Variants in NELL2 observed in about 807,000 individuals in gnomAD.
NELL2 encodes the protein neural EGFL like 2.
NELL2 carries 41 observed loss-of-function variants against 109.6 expected under a neutral mutation model. The ratio of observed to expected loss-of-function variants is 0.37; its 90% CI spans 0.29 to 0.49. NELL2 has a LOEUF of 0.49. Among genes scored for constraint, NELL2 ranks in the 20% least tolerant of loss-of-function variants. The probability of loss-of-function intolerance (pLI) is 0.98; values close to 1 mark genes in which losing one functional copy is unlikely to be tolerated. For synonymous variants in NELL2, 355 were observed against 344.7 expected (o/e 1.03, Z -0.33); for missense variants, 900 against 1,008.3 (o/e 0.89, Z 1.45).
chr12:44,856,227 A>G (rs1187390758), intron 2 of NELL2, among the ~76,000 whole-genome samples: 2 of 152,232 alleles, frequency 1.3e-5, no homozygotes, highest in African/African-American at 4.8e-5. Flanking sequence ...ATCTTCTAAA[A>G]CATTGGTACA....
Position 44,709,006 on chromosome 12 carries a change from T to G in NELL2, c.1189+2286A>C, listed in dbSNP as rs1419636853. ...TCTTTTAAAAAGAAATAGATGTAGT[T>G]AAGGTTTCTCTTGATATCTTAAAGG... On this transcript the variant is annotated intron_variant, in intron 11 of 19. Transcript: ENST00000429094. Among the ~76,000 whole-genome samples the G allele has an allele frequency of 2.0e-5, 3 of 152,166 alleles. No homozygotes were observed. The East Asian group carries it at 5.8e-4, about 29-fold the overall frequency.
intron 3 of NELL2, among the ~76,000 whole-genome samples, chr12:44,783,053 C>G (rs1028665735): frequency 1.3e-5 from 2 of 151,826 alleles, no homozygotes; most frequent in African/African-American, 4.8e-5. Context: ...AGTATGCTTT[C>G]CAACCACAAC....
At chr12:44,708,886 T>C (rs111355242) in intron 11 of NELL2, among the ~76,000 whole-genome samples, 7 of 152,318 alleles carry the variant, frequency 4.6e-5, no homozygotes, top group African/African-American at 1.7e-4. Flanking sequence ...AAGTATGCTA[T>C]GTAAACACAT....
At chr12:44,921,226 C>T (rs932627398) in intron 1 of NELL2, among the ~76,000 whole-genome samples, 2 of 152,070 alleles carry the variant, frequency 1.3e-5, no homozygotes, top group African/African-American at 4.8e-5. Context: ...AGTCAGAGAC[C>T]TAAACACTAG....
chr12:44,910,077 G>C (rs1444624140), intron 1 of NELL2, among the ~76,000 whole-genome samples: 1 of 152,004 alleles, frequency 6.6e-6, no homozygotes, highest in East Asian at 1.9e-4. Context: ...CCTTAGGAAA[G>C]AAGTTATGAC....
At chr12:44,603,449 T>G (rs1190439677) in intron 15 of NELL2, among the ~76,000 whole-genome samples, 3 of 152,176 alleles carry the variant, frequency 2.0e-5, no homozygotes, top group African/African-American at 7.2e-5. Flanking sequence ...ATCAGACACA[T>G]ATTTGCTGAG....
intron 12 of NELL2, among the ~76,000 whole-genome samples, chr12:44,678,996 G>C (rs570616229): frequency 1.3e-5 from 2 of 152,224 alleles, no homozygotes; most frequent in South Asian, 4.1e-4. Context: ...AACTAGAAGG[G>C]ATGTAGAGTT....
At chr12:44,599,400 A>G (rs1290621089) in intron 15 of NELL2, among the ~76,000 whole-genome samples, 1 of 152,184 alleles carries the variant, frequency 6.6e-6, no homozygotes, top group African/African-American at 2.4e-5. Context: ...AAAAAGAACC[A>G]AAAGATATGA....
intron 13 of NELL2, among the ~76,000 whole-genome samples, chr12:44,619,971 T>G (rs186136349): frequency 1.3e-5 from 2 of 152,118 alleles, no homozygotes; most frequent in Non-Finnish European, 2.9e-5. Flanking sequence ...TTGGGCTCCA[T>G]AGTGAATCAA....
Position 44,666,813 on chromosome 12 carries a change from A to C in NELL2, c.1319-1204T>G, listed in dbSNP as rs1271021543. On this transcript the variant is annotated intron_variant, in intron 12 of 19. Coordinates refer to ENST00000429094, the MANE Select transcript of NELL2 (RefSeq NM_001145108.2). The stretch of plus-strand genomic sequence containing the variant: ...TTCCTGGTTTGGTCTTTACTTTTCC[A>C]ATTTCACATCTGATGACCTCACTCC... Among the ~76,000 whole-genome samples, 6 of 152,132 alleles carry C rather than the reference A, an allele frequency of 3.9e-5. No homozygotes were observed. The South Asian group carries it at 1.0e-3, about 26-fold the overall frequency.
intron 1 of NELL2, among the ~76,000 whole-genome samples, chr12:44,919,660 C>G (rs1479300504): frequency 6.6e-6 from 1 of 152,042 alleles, no homozygotes; most frequent in Non-Finnish European, 1.5e-5. Context: ...ACAAGGAATG[C>G]CAAAGATTGC....
chr12:44,589,010 T>C lies in NELL2; in HGVS notation c.1663+18159A>G, dbSNP rs1047736507. On this transcript the variant is annotated intron_variant, in intron 15 of 19. Coordinates refer to ENST00000429094, the MANE Select transcript of NELL2 (RefSeq NM_001145108.2). ...TAAGTGTTTTGCATGAATTAACTCA[T>C]TTAATACTCATTACCACCATAAGGG... is the stretch of plus-strand genomic sequence containing the variant. 2.6e-5 allele frequency among the ~76,000 whole-genome samples: 4 copies of C among 152,326 alleles called. No homozygotes were observed. In the South Asian group the frequency reaches 8.3e-4, roughly 32 times the overall value.
chr12:44,624,482 A>C (rs1946164783), intron 13 of NELL2, among the ~76,000 whole-genome samples: 1 of 151,804 alleles, frequency 6.6e-6, no homozygotes, highest in Non-Finnish European at 1.5e-5. Context: ...CTCCCTCCTC[A>C]CTATCGTCTT....
chr12:44,776,296 CTTTAA>C (rs901485664), intron 7 of NELL2, 146 bp from the exon 8 acceptor site: 11 of 686,720 alleles, frequency 1.6e-5, no homozygotes, highest in Non-Finnish European at 2.4e-5. Context: ...ATATTTAAGA[CTTTAA>C]TTTAATTTAA....
intron 12 of NELL2, among the ~76,000 whole-genome samples, chr12:44,674,073 T>C (rs1232165582): frequency 6.6e-6 from 1 of 152,148 alleles, no homozygotes; most frequent in Non-Finnish European, 1.5e-5. Flanking sequence ...AAGTGATGCA[T>C]ACTATATAAC....
intron 2 of NELL2, among the ~76,000 whole-genome samples, chr12:44,823,956 T>G (rs1943621714): frequency 6.6e-6 from 1 of 152,208 alleles, no homozygotes; most frequent in Non-Finnish European, 1.5e-5. Context: ...GATATCTCAA[T>G]TTTTTAAATT....
At chr12:44,536,075 TAGTC>T (rs971153888) in intron 15 of NELL2, among the ~76,000 whole-genome samples, 1 of 151,954 alleles carries the variant, frequency 6.6e-6, no homozygotes, top group Non-Finnish European at 1.5e-5. Flanking sequence ...CTACTTTGGT[TAGTC>T]AGTAGACAAT....
intron 15 of NELL2, among the ~76,000 whole-genome samples, chr12:44,572,279 C>T (rs776517842): frequency 8.6e-5 from 13 of 151,946 alleles, no homozygotes; most frequent in Non-Finnish European, 1.5e-4. Flanking sequence ...GTAGCTGGGA[C>T]TACATGTGTG....
intron 12 of NELL2, among the ~76,000 whole-genome samples, chr12:44,671,200 A>G (rs1176207388): frequency 6.6e-6 from 1 of 152,202 alleles, no homozygotes; most frequent in Non-Finnish European, 1.5e-5. Flanking sequence ...CCACTGGGCC[A>G]ATATAGAAAT....
Sources: gnomAD v4.1 joint callset for allele counts (sites outside exome capture counted in the v4.1 genomes callset) on GRCh38, gnomAD v4.1.1 for gene constraint, MANE v1.5 for transcripts, NCBI Gene and HGNC (gene_info 2026-07-23, HGNC 2026-07-21) for gene names.